The following CCSER1 variants were observed in gnomAD, a reference collection of about 807,000 sequenced individuals.
The protein encoded by CCSER1 is coiled-coil serine rich protein 1.
CCSER1 carries 41 observed loss-of-function variants against 82.0 expected under a neutral mutation model. The ratio of observed to expected loss-of-function variants is 0.50; its 90% CI spans 0.39 to 0.65. The LOEUF is 0.65. Among genes scored for constraint, CCSER1 ranks in the 30% least tolerant of loss-of-function variants. The probability of loss-of-function intolerance (pLI) is 0.00; values close to 1 mark genes in which losing one functional copy is unlikely to be tolerated. For synonymous variants in CCSER1, 414 were observed against 383.9 expected (o/e 1.08, Z -0.92); for missense variants, 1,119 against 1,064.2 (o/e 1.05, Z -0.72).
At chr4:90,751,095 A>G (rs1748571054) in intron 7 of CCSER1, among the ~76,000 whole-genome samples, 1 of 152,130 alleles carries the variant, frequency 6.6e-6, no homozygotes, top group Admixed American at 6.6e-5. Context: ...GCATAAACTC[A>G]GATATGTAAA....
intron 5 of CCSER1, among the ~76,000 whole-genome samples, chr4:90,494,828 G>A (rs535045472): frequency 5.3e-5 from 8 of 151,666 alleles, no homozygotes; most frequent in East Asian, 1.9e-4. Flanking sequence ...AACAGTTCAC[G>A]CCATAGACAG....
chr4:90,293,614 A>G, intron 1 of CCSER1, among the ~76,000 whole-genome samples: 1 of 150,820 alleles, frequency 6.6e-6, no homozygotes, highest in East Asian at 1.9e-4. Context: ...AGAAAATAAA[A>G]AATTTAAGAA....
chr4:90,721,485 T>C lies in CCSER1; in HGVS notation c.1933-2429T>C, dbSNP rs556951007. On this transcript the variant is annotated intron_variant, in intron 6 of 10. Transcript: ENST00000509176. ...TTTCACATTATTATGAACCAATCAC[T>C]TGTAAAATCTCTGAAATATATCAAA... Among the ~76,000 whole-genome samples, 7 of 152,038 alleles carry C rather than the reference T, an allele frequency of 4.6e-5. 1 individual carries two copies. The highest frequency in any genetic ancestry group is 1.9e-4 in the East Asian group (1 of 5,188).
At chr4:91,323,769 C>T (rs1049221889) in intron 10 of CCSER1, among the ~76,000 whole-genome samples, 10 of 152,120 alleles carry the variant, frequency 6.6e-5, no homozygotes, top group South Asian at 2.1e-4. Flanking sequence ...ACCTTGCTAG[C>T]GCAATGGCCT....
intron 5 of CCSER1, among the ~76,000 whole-genome samples, chr4:90,517,143 A>G (rs953254221): frequency 6.6e-6 from 1 of 152,128 alleles, no homozygotes; most frequent in African/African-American, 2.4e-5. Context: ...AGTTAGCAAA[A>G]TCATCTAACA....
At chr4:90,683,358 C>G (rs978563126) in intron 6 of CCSER1, among the ~76,000 whole-genome samples, 11 of 151,998 alleles carry the variant, frequency 7.2e-5, no homozygotes, top group Non-Finnish European at 2.9e-5. Flanking sequence ...TCTTAAAGAG[C>G]TCAAGCTATT....
At chr4:90,572,247 A>G (rs1780199136) in intron 5 of CCSER1, among the ~76,000 whole-genome samples, 1 of 152,062 alleles carries the variant, frequency 6.6e-6, no homozygotes, top group South Asian at 2.1e-4. Context: ...ACTCCCTTAT[A>G]TGTTGTCTCT....
chr4:91,395,205 G>A (rs376701653), intron 10 of CCSER1, among the ~76,000 whole-genome samples: 6 of 152,188 alleles, frequency 3.9e-5, no homozygotes, highest in African/African-American at 1.4e-4. Context: ...ATAAGACTGA[G>A]CATATAACTG....
In CCSER1 at chr4:90,159,189, G is replaced by A. The variant is rs188807588; in HGVS notation, c.-42+31358G>A. Reference sequence around the variant, plus strand: ...ACTAGGACTGTAGGCCTATGCCACCGTGACTGGTTAATTTTATTATTATTA... The same window carrying A: ...ACTAGGACTGTAGGCCTATGCCACCATGACTGGTTAATTTTATTATTATTA... On this transcript the variant is annotated intron_variant, in intron 1 of 10. Transcript: ENST00000509176. Among the ~76,000 whole-genome samples, 433 of 152,002 alleles carry A rather than the reference G, an allele frequency of 2.8e-3. 11 individuals are homozygous for A. The highest frequency in any genetic ancestry group is 1.0e-3 in the Non-Finnish European group (68 of 67,968).
At chr4:90,654,121 A>G (rs975704371) in intron 6 of CCSER1, among the ~76,000 whole-genome samples, 2 of 152,164 alleles carry the variant, frequency 1.3e-5, no homozygotes, top group African/African-American at 4.8e-5. Flanking sequence ...CCCTCCTTCA[A>G]TTCAACATGA....
intron 10 of CCSER1, among the ~76,000 whole-genome samples, chr4:91,123,570 T>G (rs1284565681): frequency 6.6e-6 from 1 of 151,746 alleles, no homozygotes; most frequent in Non-Finnish European, 1.5e-5. Flanking sequence ...TGACGAAATA[T>G]TTCTCCATTT....
At chr4:91,173,579 G>A (rs1234093423) in intron 10 of CCSER1, among the ~76,000 whole-genome samples, 1 of 137,484 alleles carries the variant, frequency 7.3e-6, no homozygotes, top group South Asian at 2.5e-4. Context: ...GGGCGACAGA[G>A]TGAGACTCCG....
At position 90,636,178 on chromosome 4, in the gene CCSER1, T is replaced by G. The variant is rs532871375; in HGVS notation, c.1932+7946T>G. ...TAAGACATGGTTACAAAGAACATTATGGCAAAAAATTAACATAAATGACAA... is the reference window on the plus strand; with the variant it reads ...TAAGACATGGTTACAAAGAACATTAGGGCAAAAAATTAACATAAATGACAA... On this transcript the variant is annotated intron_variant, in intron 6 of 10. Transcript: ENST00000509176. Among the ~76,000 whole-genome samples the G allele has an allele frequency of 2.4e-4, 37 of 152,012 alleles. No individual in the cohort carries two copies. The South Asian group carries it at 7.3e-3, about 30-fold the overall frequency.
rs373454836 is a variant in CCSER1, at chr4:91,494,822, T to C, written c.2218-103750T>C. On this transcript the variant is annotated intron_variant, in intron 10 of 10. Coordinates refer to ENST00000509176, the MANE Select transcript of CCSER1 (RefSeq NM_001145065.2). ...TAAAGCTAATTGTATGATATTTATT[T>C]CATCAAAATGGTTGGTTTTCAAAGG... Among the ~76,000 whole-genome samples, 19 of 151,942 alleles carry C rather than the reference T, an allele frequency of 1.3e-4. No homozygotes were observed. In the South Asian group the frequency reaches 2.7e-3, roughly 22 times the overall value.
At chr4:91,021,306 G>A (rs1272247928) in intron 9 of CCSER1, among the ~76,000 whole-genome samples, 1 of 151,806 alleles carries the variant, frequency 6.6e-6, no homozygotes, top group Non-Finnish European at 1.5e-5. Context: ...TAATATATAT[G>A]ATAAAAAACA....
intron 10 of CCSER1, among the ~76,000 whole-genome samples, chr4:91,378,992 G>T (rs1453329715): frequency 1.3e-5 from 2 of 152,138 alleles, no homozygotes; most frequent in Admixed American, 6.5e-5. Flanking sequence ...GGCCTTTTCT[G>T]CATCTATTGA....
At chr4:91,031,350 A>G (rs1161693073) in intron 9 of CCSER1, among the ~76,000 whole-genome samples, 1 of 152,140 alleles carries the variant, frequency 6.6e-6, no homozygotes, top group Admixed American at 6.6e-5. Context: ...TTACTCCTAA[A>G]TAGTACTTTA....
chr4:91,318,771 T>C (rs1378110351), intron 10 of CCSER1, among the ~76,000 whole-genome samples: 1 of 152,070 alleles, frequency 6.6e-6, no homozygotes, highest in African/African-American at 2.4e-5. Flanking sequence ...ATTGAAGTTA[T>C]TGGTTTTCTT....
At chr4:90,134,313 C>T (rs1723294166) in intron 1 of CCSER1, among the ~76,000 whole-genome samples, 1 of 152,170 alleles carries the variant, frequency 6.6e-6, no homozygotes, top group East Asian at 1.9e-4. Flanking sequence ...AAGGGCCCAG[C>T]AGCAATATCT....
Sources: gnomAD v4.1 joint callset for allele counts (sites outside exome capture counted in the v4.1 genomes callset) on GRCh38, gnomAD v4.1.1 for gene constraint, MANE v1.5 for transcripts, NCBI Gene and HGNC (gene_info 2026-07-23, HGNC 2026-07-21) for gene names.